The following AP1G1 variants were observed in gnomAD, a reference collection of about 807,000 sequenced individuals.
AP1G1 encodes AP-1 complex subunit gamma-1.
A neutral mutation model predicts 108.3 loss-of-function variants in AP1G1; 7 were observed. That is an observed-to-expected ratio of 0.06 (90% CI 0.04 to 0.12). AP1G1 has a LOEUF of 0.12. AP1G1 is among the 10% of genes least tolerant of loss of function. The probability of loss-of-function intolerance (pLI) is 1.00; values close to 1 mark genes in which losing one functional copy is unlikely to be tolerated. For missense variants in AP1G1, 756 were observed against 1,010.7 expected (o/e 0.75, Z 3.42); for synonymous variants, 379 against 353.5 (o/e 1.07, Z -0.81).
At chr16:71,766,739 T>A (rs1239668296) in intron 6 of AP1G1, among the ~76,000 whole-genome samples, 1 of 152,192 alleles carries the variant, frequency 6.6e-6, no homozygotes, top group African/African-American at 2.4e-5. Flanking sequence ...ATCCAAGGCA[T>A]GCACTCAAAG....
At chr16:71,738,466 G>A (rs1406307888) in intron 21 of AP1G1, among the ~76,000 whole-genome samples, 2 of 152,118 alleles carry the variant, frequency 1.3e-5, no homozygotes, top group Non-Finnish European at 2.9e-5. Flanking sequence ...TAATAAATTG[G>A]ATGTTAACGA....
At chr16:71,772,917 T>C (rs1440811470) in intron 4 of AP1G1, 4 of 408,882 alleles carry the variant, frequency 9.8e-6, no homozygotes, top group Non-Finnish European at 1.9e-5. Context: ...GGGTATTAAT[T>C]ATTAGGACAA....
At position 71,729,432 on chromosome 16, in the gene AP1G1, G is replaced by GAAAA. The variant is rs61081595; in HGVS notation, c.*3622_*3625dup. ...CGCAACCGCAGGTTCTTTGAGGGAA[G>GAAAA]AAAAAAAAAAAAAAAAAAACCAACT... On this transcript the variant is annotated 3_prime_UTR_variant, in exon 23 of 23. Coordinates refer to ENST00000299980, the MANE Select transcript of AP1G1 (RefSeq NM_001128.6). The GAAAA allele has an allele frequency of 5.4e-5, 5 of 92,186 alleles. No individual in the cohort carries two copies. Among genetic ancestry groups the GAAAA allele is most frequent in the Non-Finnish European group, 4.7e-5 (2 of 42,276 alleles). 5.7% of individuals were successfully genotyped at this position (92,186 alleles called of 1,614,324 possible).
rs1308726857 is a variant in AP1G1 at position 71,767,758 on chromosome 16, A to G, written c.642+1865T>C. On this transcript the variant is annotated intron_variant, in intron 6 of 22. Coordinates refer to ENST00000299980, the MANE Select transcript of AP1G1 (RefSeq NM_001128.6). ...CAAAGATGGTAGAACAATAACTCAC[A>G]GTATTAAGCACAGCTTCAGCATTAG... 2.5e-5 allele frequency: 24 copies of G among 968,980 alleles called. 1 individual carries two copies. The South Asian group carries it at 3.6e-4, about 15-fold the overall frequency. The allele number at this position is 968,980 out of a possible 1,614,324, so 60.0% of individuals were successfully genotyped here.
intron 2 of AP1G1, among the ~76,000 whole-genome samples, chr16:71,780,820 CTT>C (rs767977641): frequency 3.9e-4 from 54 of 139,566 alleles, no homozygotes; most frequent in Admixed American, 7.2e-4. Flanking sequence ...TAATTTTTTA[CTT>C]TTTTTTTTTT....
intron 1 of AP1G1, among the ~76,000 whole-genome samples, chr16:71,801,314 T>C (rs1294367588): frequency 7.1e-6 from 1 of 141,728 alleles, no homozygotes; most frequent in Non-Finnish European, 1.5e-5. Flanking sequence ...AAGAATTATA[T>C]TTACTGACCA....
At chr16:71,774,437 A>G in intron 3 of AP1G1, 31 bp downstream of exon 3, 2 of 1,584,370 alleles carry the variant, frequency 1.3e-6, no homozygotes, top group South Asian at 1.2e-5. Context: ...AGTAGTTAAC[A>G]GTTGTTAGAA....
Position 71,734,580 on chromosome 16 carries a change from C to G in AP1G1, c.2367+29G>C, listed in dbSNP as rs1220422974. On this transcript the variant is annotated intron_variant, in intron 22 of 22. Transcript: ENST00000299980. ...CGGGAAATATGCTTACACTTCGGCT[C>G]AGATATTGGCTACAAATGTGCTACT... The G allele has an allele frequency of 5.2e-6, 8 of 1,530,542 alleles. No individual in the cohort carries two copies. In the Admixed American group the frequency reaches 1.0e-4, roughly 19 times the overall value. 94.8% of individuals were successfully genotyped at this position (1,530,542 alleles called of 1,614,324 possible). A position where few individuals can be genotyped will look rare whatever the true frequency, so the allele number is the denominator to read the frequency against.
At chr16:71,756,195 T>C in intron 11 of AP1G1, 36 bp from the exon 12 acceptor site, 7 of 1,587,348 alleles carry the variant, frequency 4.4e-6, no homozygotes, top group Non-Finnish European at 6.0e-6. Flanking sequence ...AGTTAAGAAA[T>C]TTATAGTGGA....
intron 5 of AP1G1, among the ~76,000 whole-genome samples, chr16:71,770,351 T>C (rs576941409): frequency 2.0e-5 from 3 of 152,366 alleles, no homozygotes; most frequent in Admixed American, 6.5e-5. Context: ...TCAGAACTTA[T>C]TTCACTGACT....
intron 5 of AP1G1, among the ~76,000 whole-genome samples, chr16:71,770,124 C>G (rs2031514695): frequency 6.6e-6 from 1 of 152,152 alleles, no homozygotes. Flanking sequence ...CATCAAAACT[C>G]TGAGAAAACT....
chr16:71,749,814 C>T (rs2030391168), intron 15 of AP1G1, 80 bp downstream of exon 15: 3 of 1,231,128 alleles, frequency 2.4e-6, no homozygotes, highest in Non-Finnish European at 3.6e-6. Context: ...AGGAATCAAC[C>T]TCAACTCCCC....
intron 9 of AP1G1, among the ~76,000 whole-genome samples, chr16:71,764,113 G>A (rs936517043): frequency 1.3e-5 from 2 of 152,272 alleles, no homozygotes; most frequent in South Asian, 2.1e-4. Context: ...CCAATGATAA[G>A]ACAAATATAT....
rs1039672484 is a variant in AP1G1, at chr16:71,742,459, G to C, written c.1999+2685C>G. 3.8e-4 allele frequency: 58 copies of C among 152,182 alleles called. 1 individual carries two copies. Among genetic ancestry groups the C allele is most frequent in the Admixed American group, 3.7e-3 (57 of 15,284 alleles). 9.4% of individuals were successfully genotyped at this position (152,182 alleles called of 1,614,324 possible). Reference sequence around the variant, plus strand: ...CTGTGCGGTTAAACATATAAATTGAGGAAAAGGTAAATAATATTTACCAAG... The same window carrying C: ...CTGTGCGGTTAAACATATAAATTGACGAAAAGGTAAATAATATTTACCAAG... On this transcript the variant is annotated intron_variant, in intron 19 of 22. Transcript: ENST00000299980.
chr16:71,808,480 G>C lies in AP1G1; in HGVS notation c.-4+283C>G, dbSNP rs1157618526. On this transcript the variant is annotated intron_variant, in intron 1 of 22. Transcript: ENST00000299980. ...CCCTCAAAGATCGCAGCCTGAGAAA[G>C]TCAAGGGTTCAAGGAGGCCCGTACC... The C allele has an allele frequency of 3.2e-6, 4 of 1,238,146 alleles. No homozygotes were observed. In the Admixed American group the frequency reaches 8.4e-5, roughly 26 times the overall value. 76.7% of individuals were successfully genotyped at this position (1,238,146 alleles called of 1,614,324 possible). A position where few individuals can be genotyped will look rare whatever the true frequency, so the allele number is the denominator to read the frequency against.
chr16:71,796,134 G>A (rs759144060), intron 1 of AP1G1, among the ~76,000 whole-genome samples: 3 of 152,180 alleles, frequency 2.0e-5, no homozygotes, highest in Non-Finnish European at 2.9e-5. Flanking sequence ...AGCTATTCGG[G>A]AGGCTGATGT....
chr16:71,773,393 G>T, intron 3 of AP1G1, 31 bp from the exon 4 acceptor site: 1 of 1,472,212 alleles, frequency 6.8e-7, no homozygotes, highest in African/African-American at 1.4e-5. Flanking sequence ...GTAGGAACAA[G>T]CCTGGTGCTC....
chr16:71,748,134 T>C, intron 16 of AP1G1, 117 bp downstream of exon 16: 1 of 1,062,760 alleles, frequency 9.4e-7, no homozygotes, highest in Non-Finnish European at 1.4e-6. Flanking sequence ...ATTTGTGTTA[T>C]TATTCTCTCT....
At chr16:71,744,896 T>C (rs1228003803) in intron 19 of AP1G1, among the ~76,000 whole-genome samples, 1 of 152,188 alleles carries the variant, frequency 6.6e-6, no homozygotes, top group Non-Finnish European at 1.5e-5. Flanking sequence ...GTTTCTATCT[T>C]AAAACACTAT....
Sources: gnomAD v4.1 joint callset for allele counts (sites outside exome capture counted in the v4.1 genomes callset) on GRCh38, gnomAD v4.1.1 for gene constraint, MANE v1.5 for transcripts, NCBI Gene and HGNC (gene_info 2026-07-23, HGNC 2026-07-21) for gene names.